Variants in CCNY observed in about 807,000 individuals in gnomAD.
CCNY encodes cyclin-Y.
A neutral mutation model predicts 42.8 loss-of-function variants in CCNY; 19 were observed. That is an observed-to-expected ratio of 0.44 (90% CI 0.31 to 0.65). The LOEUF is 0.65. Ranked by LOEUF, CCNY falls within the 30% of genes least tolerant of loss-of-function variation. CCNY has a pLI of 0.07. For missense variants in CCNY, 370 were observed against 437.3 expected, an observed-to-expected ratio of 0.85 and a Z score of 1.37; for synonymous variants, 165 against 162.7, an observed-to-expected ratio of 1.01 and a Z score of -0.11.
At chr10:35,494,652 A>C (rs531447945) in intron 2 of CCNY, among the ~76,000 whole-genome samples, 31 of 152,220 alleles carry the variant, frequency 2.0e-4, no homozygotes, top group Non-Finnish European at 3.4e-4. Context: ...ATCACAATCT[A>C]TAGGAAAAAG....
chr10:35,388,119 G>C (rs1384583655), intron 1 of CCNY, among the ~76,000 whole-genome samples: 1 of 152,250 alleles, frequency 6.6e-6, no homozygotes, highest in African/African-American at 2.4e-5. Context: ...AGCAATTCTA[G>C]AGAAGGAGAT....
chr10:35,562,758 G>A (rs1841491592), intron 8 of CCNY, among the ~76,000 whole-genome samples: 1 of 152,112 alleles, frequency 6.6e-6, no homozygotes, highest in Non-Finnish European at 1.5e-5. Context: ...GCTAGTAAGT[G>A]GAGGCTGTAA....
chr10:35,398,521 G>C (rs1377944723), intron 1 of CCNY, among the ~76,000 whole-genome samples: 1 of 151,950 alleles, frequency 6.6e-6, no homozygotes, highest in African/African-American at 2.4e-5. Context: ...CCTATGTTTT[G>C]ACTGCTGGGA....
chr10:35,457,373 G>C (rs1444149153), intron 1 of CCNY, among the ~76,000 whole-genome samples: 1 of 152,152 alleles, frequency 6.6e-6, no homozygotes, highest in African/African-American at 2.4e-5. Context: ...TTGTCCACAG[G>C]TCTCTCTCGT....
chr10:35,308,254 G>T lies in CCNY; in HGVS notation c.-9+57628G>T, dbSNP rs1473510572. Among the ~76,000 whole-genome samples, 4 of 152,078 alleles carry T rather than the reference G, an allele frequency of 2.6e-5. No homozygotes were observed. In the East Asian group the frequency reaches 7.7e-4, roughly 29 times the overall value. On this transcript the variant is annotated intron_variant, in intron 3 of 11. Coordinates refer to the CCNY transcript ENST00000374706. ...GCCTGATGGCAGAGCACGCAAAAGA[G>T]GAGGAGGTGGGAGGCTGGGCACAGT...
intron 1 of CCNY, among the ~76,000 whole-genome samples, chr10:35,395,810 C>G (rs891714610): frequency 6.6e-5 from 10 of 152,172 alleles, no homozygotes; most frequent in Admixed American, 6.5e-4. Flanking sequence ...AGGACAAACC[C>G]TCACCTTCAG....
At chr10:35,400,362 G>A (rs1837617591) in intron 1 of CCNY, among the ~76,000 whole-genome samples, 1 of 152,086 alleles carries the variant, frequency 6.6e-6, no homozygotes, top group African/African-American at 2.4e-5. Flanking sequence ...CCTCACCTTG[G>A]GAATGAATTC....
intron 3 of CCNY, among the ~76,000 whole-genome samples, chr10:35,253,775 G>T (rs2095713579): frequency 6.6e-6 from 1 of 151,852 alleles, no homozygotes; most frequent in Non-Finnish European, 1.5e-5. Context: ...AATACCTGTT[G>T]AGTCATTAGA....
chr10:35,304,778 T>TC (rs1023740048), intron 3 of CCNY, among the ~76,000 whole-genome samples: 2 of 152,198 alleles, frequency 1.3e-5, no homozygotes, highest in African/African-American at 4.8e-5. Context: ...GCCAGTGGCA[T>TC]CCCCTAGTTG....
At chr10:35,329,683 G>T (rs535175404) in intron 3 of CCNY, among the ~76,000 whole-genome samples, 1 of 152,300 alleles carries the variant, frequency 6.6e-6, no homozygotes, top group East Asian at 1.9e-4. Flanking sequence ...GCAGAGGTGG[G>T]GAGGAATGGT....
intron 1 of CCNY, among the ~76,000 whole-genome samples, chr10:35,407,055 T>C (rs1837795556): frequency 6.6e-6 from 1 of 152,196 alleles, no homozygotes; most frequent in Non-Finnish European, 1.5e-5. Context: ...GGGTTGAGTT[T>C]TTGTATTTGA....
intron 1 of CCNY, among the ~76,000 whole-genome samples, chr10:35,380,226 A>T (rs577439003): frequency 8.6e-4 from 131 of 152,326 alleles, no homozygotes; most frequent in African/African-American, 2.9e-3. Context: ...TTTTGTAATG[A>T]ATGCTTGGAG....
chr10:35,304,905 G>A (rs1271683269), intron 3 of CCNY, among the ~76,000 whole-genome samples: 1 of 152,220 alleles, frequency 6.6e-6, no homozygotes, highest in Non-Finnish European at 1.5e-5. Flanking sequence ...GCCAAAAAAC[G>A]TGGGTGGATG....
At chr10:35,334,680 C>T (rs1191232504), upstream of CCNY, among the ~76,000 whole-genome samples, 1 of 152,170 alleles carries the variant, frequency 6.6e-6, no homozygotes, top group Admixed American at 6.5e-5. Flanking sequence ...GGACATCTGC[C>T]ACTTATCCTA....
intron 1 of CCNY, among the ~76,000 whole-genome samples, chr10:35,433,668 G>A (rs1302713830): frequency 6.6e-6 from 1 of 152,240 alleles, no homozygotes; most frequent in Non-Finnish European, 1.5e-5. Flanking sequence ...CTGGAGTACA[G>A]TGGTGCGATC....
At chr10:35,437,340 A>T (rs1838559435) in intron 1 of CCNY, among the ~76,000 whole-genome samples, 1 of 152,224 alleles carries the variant, frequency 6.6e-6, no homozygotes, top group African/African-American at 2.4e-5. Flanking sequence ...GTGTGGCCTT[A>T]GGATCAACAT....
At chr10:35,559,974 C>G (rs1218419894) in intron 8 of CCNY, among the ~76,000 whole-genome samples, 1 of 152,130 alleles carries the variant, frequency 6.6e-6, no homozygotes. Context: ...ACACTGTGAC[C>G]TCTTTCTTTC....
intron 3 of CCNY, among the ~76,000 whole-genome samples, chr10:35,277,273 A>G (rs1368984995): frequency 6.6e-6 from 1 of 152,186 alleles, no homozygotes; most frequent in Non-Finnish European, 1.5e-5. Context: ...AACATCTTTA[A>G]GCAAGTAGAG....
At chr10:35,414,558 G>C (rs1009267295) in intron 1 of CCNY, among the ~76,000 whole-genome samples, 1 of 152,202 alleles carries the variant, frequency 6.6e-6, no homozygotes, top group Non-Finnish European at 1.5e-5. Flanking sequence ...GGCCCCTCTC[G>C]CACTTAGGAA....
Sources: gnomAD v4.1 joint callset for allele counts (sites outside exome capture counted in the v4.1 genomes callset) on GRCh38, gnomAD v4.1.1 for gene constraint, MANE v1.5 for transcripts, NCBI Gene and HGNC (gene_info 2026-07-23, HGNC 2026-07-21) for gene names.